CTPS2: variants seen among roughly 807,000 people sequenced by gnomAD.
CTPS2 encodes the protein CTP synthase II.
A neutral mutation model predicts 46.8 loss-of-function variants in CTPS2; 19 were observed. The observed-to-expected ratio is 0.41, with a 90% CI of 0.28 to 0.60. The LOEUF is 0.60. CTPS2 is among the 20% of genes least tolerant of loss of function. The pLI, the probability that CTPS2 is intolerant of heterozygous loss-of-function variation, is 0.35. For missense variants in CTPS2, 286 were observed against 447.6 expected (o/e 0.64, Z 3.26); for synonymous variants, 151 against 165.2 (o/e 0.91, Z 0.66).
intron 8 of CTPS2, 152 bp downstream of exon 8, chrX:16,689,298 C>T (rs938979590): frequency 3.0e-4 from 141 of 472,602 alleles, no homozygotes; most frequent in Non-Finnish European, 4.8e-4. Context: ...AGCAAAGCAC[C>T]GCAACAGTAT....
intron 14 of CTPS2, among the ~76,000 whole-genome samples, chrX:16,628,213 T>C (rs1931264742): frequency 9.0e-6 from 1 of 111,572 alleles, no homozygotes; most frequent in Non-Finnish European, 1.9e-5. Context: ...TTTCATTTCT[T>C]TTAGTATCTA....
chrX:16,673,161 C>T (rs767937224), intron 10 of CTPS2, among the ~76,000 whole-genome samples: 18 of 110,603 alleles, frequency 1.6e-4, no homozygotes, highest in African/African-American at 5.9e-4. Flanking sequence ...GCTGGGATTA[C>T]AGGCGTGAGC....
At chrX:16,678,331 C>T in intron 10 of CTPS2, 31 bp downstream of exon 10, 2 of 966,629 alleles carry the variant, frequency 2.1e-6, no homozygotes, top group Non-Finnish European at 2.9e-6. Flanking sequence ...TGGTCCTATC[C>T]TAACTGGTGT....
chrX:16,674,560 C>A (rs992440804), intron 10 of CTPS2, among the ~76,000 whole-genome samples: 1 of 110,507 alleles, frequency 9.0e-6, no homozygotes, highest in Non-Finnish European at 1.9e-5. Flanking sequence ...TTACGCAGGC[C>A]GGGCATGGTG....
In CTPS2 at chrX:16,693,128, G is replaced by A. The variant is rs376688521; in HGVS notation, c.639+13C>T. ...GACCTTCAGGATAGACTTACCCACT[G>A]TCCTCAACTCACCAGATCTGGAGAC... On this transcript the variant is annotated intron_variant, in intron 6 of 18. Coordinates refer to ENST00000359276, the MANE Select transcript of CTPS2 (RefSeq NM_175859.3). 142 of 1,130,234 alleles carry A rather than the reference G, an allele frequency of 1.3e-4. No homozygotes were observed. The highest frequency in any genetic ancestry group is 1.6e-4 in the Non-Finnish European group (135 of 824,683). 93.1% of individuals were successfully genotyped at this position (1,130,234 alleles called of 1,213,427 possible).
At chrX:16,629,020 A>ATC (rs1931320916) in intron 14 of CTPS2, among the ~76,000 whole-genome samples, 1 of 112,204 alleles carries the variant, frequency 8.9e-6, no homozygotes, top group Non-Finnish European at 1.9e-5. Context: ...CGGCGCTCTT[A>ATC]TCTCTGTCTT....
intron 14 of CTPS2, among the ~76,000 whole-genome samples, chrX:16,622,747 T>C (rs1002240842): frequency 1.8e-5 from 2 of 111,793 alleles, no homozygotes; most frequent in Non-Finnish European, 3.8e-5. Flanking sequence ...AGGCAGACTC[T>C]GTATTTGCTA....
chrX:16,659,567 A>G (rs1225430412), intron 13 of CTPS2, among the ~76,000 whole-genome samples: 5 of 110,519 alleles, frequency 4.5e-5, no homozygotes, highest in African/African-American at 1.3e-4. Context: ...TTTGGTCACC[A>G]TGCTGAGTCC....
intron 1 of CTPS2, among the ~76,000 whole-genome samples, chrX:16,704,189 C>T (rs1359838884): frequency 2.7e-5 from 3 of 111,639 alleles, no homozygotes; most frequent in Admixed American, 1.9e-4. Flanking sequence ...CCACCCACCT[C>T]GGCCTCCCCA....
intron 16 of CTPS2, among the ~76,000 whole-genome samples, chrX:16,613,788 A>C (rs1183059617): frequency 3.6e-5 from 4 of 111,104 alleles, no homozygotes; most frequent in Non-Finnish European, 7.5e-5. Context: ...ACAGGATCTC[A>C]CTATGTTGCC....
intron 9 of CTPS2, among the ~76,000 whole-genome samples, chrX:16,679,986 C>T (rs1922603792): frequency 9.0e-6 from 1 of 111,150 alleles, no homozygotes; most frequent in South Asian, 3.8e-4. Context: ...CAGAGAGAAC[C>T]GAGAAAGATT....
chrX:16,627,751 G>A (rs997123751), intron 14 of CTPS2, among the ~76,000 whole-genome samples: 4 of 111,704 alleles, frequency 3.6e-5, no homozygotes, highest in African/African-American at 6.5e-5. Flanking sequence ...GTTTCAGACT[G>A]GCTTTCAGAA....
intron 16 of CTPS2, among the ~76,000 whole-genome samples, chrX:16,614,591 T>C (rs1930427763): frequency 8.9e-6 from 1 of 112,542 alleles, no homozygotes; most frequent in Admixed American, 9.4e-5. Flanking sequence ...CTTTCTTAAC[T>C]ACTCATCTCT....
intron 18 of CTPS2, 101 bp from the exon 19 acceptor site, chrX:16,589,876 A>G (rs759992862): frequency 8.9e-6 from 1 of 112,795 alleles, no homozygotes; most frequent in Non-Finnish European, 1.9e-5. Context: ...GCTTGCTCCA[A>G]AGGGTCTCCA....
intron 14 of CTPS2, among the ~76,000 whole-genome samples, chrX:16,627,478 A>G (rs986191945): frequency 2.7e-5 from 3 of 112,161 alleles, no homozygotes; most frequent in South Asian, 3.7e-4. Context: ...AATTTAGAAG[A>G]CTGGCAGCAG....
chrX:16,649,959 C>T (rs780190820), intron 13 of CTPS2, among the ~76,000 whole-genome samples: 52 of 111,719 alleles, frequency 4.7e-4, no homozygotes, highest in Non-Finnish European at 8.3e-4. Flanking sequence ...TCCAAGCTTA[C>T]GACTCTGAAC....
At chrX:16,664,050 A>C (rs781385333) in intron 13 of CTPS2, among the ~76,000 whole-genome samples, 5 of 111,459 alleles carry the variant, frequency 4.5e-5, no homozygotes, top group East Asian at 5.7e-4. Flanking sequence ...GTTAGCCAGG[A>C]TGGTCTTGAT....
At chrX:16,644,408 G>A (rs1158020012) in intron 13 of CTPS2, among the ~76,000 whole-genome samples, 1 of 111,827 alleles carries the variant, frequency 8.9e-6, no homozygotes, top group Non-Finnish European at 1.9e-5. Context: ...AAAGTTCTGG[G>A]ATTACAGGAA....
rs6654003 is a variant in CTPS2, at chrX:16,705,835, G to T, written c.-39-2894C>A. ...GAAATAAAGTAAACCAGGCGTGGTG[G>T]CTCACCCCTGTAATCCCAGCACTTT... On this transcript the variant is annotated intron_variant, in intron 1 of 18. Transcript: ENST00000359276. Among the ~76,000 whole-genome samples the T allele has an allele frequency of 4.0e-3, 448 of 111,165 alleles. 2 individuals carry two copies. The highest frequency in any genetic ancestry group is 0.014 in the African/African-American group (426 of 30,639).
Sources: allele counts gnomAD v4.1 joint callset (sites outside exome capture counted in the v4.1 genomes callset), GRCh38; gene constraint gnomAD v4.1.1; transcripts MANE v1.5; gene names NCBI Gene and HGNC (gene_info 2026-07-23, HGNC 2026-07-21).